XRN2: variants seen among roughly 807,000 people sequenced by gnomAD.
XRN2 encodes the protein 5'-3' exoribonuclease 2, also known as DHM1-like protein.
XRN2 carries 44 observed loss-of-function variants against 138.5 expected under a neutral mutation model. The observed-to-expected ratio is 0.32, with a 90% CI of 0.25 to 0.41. The LOEUF is 0.41. XRN2 is among the 10% of genes least tolerant of loss of function. The probability of loss-of-function intolerance (pLI) is 1.00; values close to 1 mark genes in which losing one functional copy is unlikely to be tolerated. For missense variants in XRN2, 937 were observed against 1,169.3 expected (o/e 0.80, Z 2.90); for synonymous variants, 354 against 369.4 (o/e 0.96, Z 0.48).
chr20:21,321,635 G>C (rs569782925), intron 1 of XRN2, among the ~76,000 whole-genome samples: 20 of 152,156 alleles, frequency 1.3e-4, no homozygotes, highest in Non-Finnish European at 2.5e-4. Context: ...CACTGTTCTT[G>C]AGAACAGCTT....
Position 21,346,464 on chromosome 20 carries a change from G to A in XRN2, c.1579G>A (p.Val527Met). Residue 527 changes from valine to methionine, a missense_variant, in exon 17 of 30, where the codon GTG becomes ATG. Val to Met is a conservative substitution (Grantham distance 21, BLOSUM62 1). Coordinates refer to ENST00000377191, the MANE Select transcript of XRN2 (RefSeq NM_012255.5). ...GCGGTACTACAAGAACAAATTTGATGTGGATGCAGCTGATGAGAAATTCCG... is the reference window on the plus strand; with the variant it reads ...GCGGTACTACAAGAACAAATTTGATATGGATGCAGCTGATGAGAAATTCCG... ...KQRYYKNKFD[V>M]DAADEKFRRK... 1 of 1,614,156 alleles carries A rather than the reference G, an allele frequency of 6.2e-7. No homozygotes were observed. The highest frequency in any genetic ancestry group is 8.5e-7 in the Non-Finnish European group (1 of 1,180,000).
chr20:21,338,466 T>G (rs1174496224), intron 13 of XRN2, among the ~76,000 whole-genome samples: 1 of 152,174 alleles, frequency 6.6e-6, no homozygotes, highest in Admixed American at 6.5e-5. Flanking sequence ...CCTTCCTTTT[T>G]TTCCATCGGA....
At chr20:21,328,791 C>A in intron 4 of XRN2, 121 bp downstream of exon 4, 1 of 842,742 alleles carries the variant, frequency 1.2e-6, no homozygotes, top group Non-Finnish European at 1.9e-6. Flanking sequence ...CCAGAATATC[C>A]AGTGTTCACT....
intron 28 of XRN2, among the ~76,000 whole-genome samples, chr20:21,385,439 C>G (rs1456245877): frequency 6.6e-6 from 1 of 152,172 alleles, no homozygotes; most frequent in Non-Finnish European, 1.5e-5. Context: ...TATATTTGTG[C>G]TAGTAATTGT....
chr20:21,348,096 A>C (rs764482667), intron 17 of XRN2, 50 bp from the exon 18 acceptor site: 15 of 1,522,324 alleles, frequency 9.9e-6, no homozygotes, highest in Middle Eastern at 3.5e-4. Context: ...AATTGTGTTC[A>C]TCATTAACAT....
chr20:21,389,488 A>C lies in XRN2; in HGVS notation c.*150A>C. 3.3e-5 allele frequency: 22 copies of C among 656,932 alleles called. No individual in the cohort carries two copies. The highest frequency in any genetic ancestry group is 4.7e-5 in the South Asian group (2 of 42,484). 40.7% of individuals were successfully genotyped at this position (656,932 alleles called of 1,614,324 possible). A position where few individuals can be genotyped will look rare whatever the true frequency, so the allele number is the denominator to read the frequency against. On this transcript the variant is annotated 3_prime_UTR_variant, in exon 30 of 30. Coordinates refer to ENST00000377191, the MANE Select transcript of XRN2 (RefSeq NM_012255.5). ...TGTATATTTCTACTGATCTGATCTCACTGTTTATGTTGCTTTCCAAAGATG... is the reference window on the plus strand; with the variant it reads ...TGTATATTTCTACTGATCTGATCTCCCTGTTTATGTTGCTTTCCAAAGATG...
chr20:21,353,515 G>C (rs2038538513), intron 20 of XRN2, among the ~76,000 whole-genome samples: 1 of 151,542 alleles, frequency 6.6e-6, no homozygotes. Flanking sequence ...AAAAGATCAG[G>C]TGCAGTGGCT....
At chr20:21,316,989 C>A (rs374238296) in intron 1 of XRN2, among the ~76,000 whole-genome samples, 1 of 152,070 alleles carries the variant, frequency 6.6e-6, no homozygotes, top group Admixed American at 6.6e-5. Context: ...AGTCATATAT[C>A]GTAATAATTT....
intron 9 of XRN2, among the ~76,000 whole-genome samples, chr20:21,332,859 T>A (rs978034882): frequency 1.3e-5 from 2 of 152,212 alleles, no homozygotes; most frequent in African/African-American, 4.8e-5. Flanking sequence ...GTGGAAGTTA[T>A]TTGTTTGAAA....
Position 21,352,815 on chromosome 20 carries a change from T to C in XRN2, c.1937-1974T>C, listed in dbSNP as rs545422833. 1.1e-4 allele frequency among the ~76,000 whole-genome samples: 17 copies of C among 152,212 alleles called. 1 individual carries two copies. The highest frequency in any genetic ancestry group is 3.9e-4 in the African/African-American group (16 of 41,532). On this transcript the variant is annotated intron_variant, in intron 20 of 29. Coordinates refer to ENST00000377191, the MANE Select transcript of XRN2 (RefSeq NM_012255.5). ...GAAAGTCTGATACTAGAGCTCACAT[T>C]TGAAGTGACTGTGTAATACCTAAGT...
chr20:21,382,244 A>G (rs889574244), intron 28 of XRN2, among the ~76,000 whole-genome samples, 187 bp downstream of exon 28: 2 of 152,162 alleles, frequency 1.3e-5, no homozygotes, highest in Non-Finnish European at 2.9e-5. Flanking sequence ...CTCATGTTTA[A>G]TATACTTTCT....
In XRN2 at chr20:21,386,902, C is replaced by T. The variant is rs769237988; in HGVS notation, c.2683C>T (p.Arg895Trp). 5.3e-5 allele frequency: 85 copies of T among 1,613,798 alleles called. No homozygotes were observed. The highest frequency in any genetic ancestry group is 6.4e-5 in the Non-Finnish European group (76 of 1,179,812). ...VGAEPLLPWNRMLQTQNAAFQ... is the reference protein window; with the variant it reads ...VGAEPLLPWNWMLQTQNAAFQ... ...GGCTGAACCTCTGCTCCCATGGAACCGGATGCTGCAAACCCAGAATGCAGC... is the reference window on the plus strand; with the variant it reads ...GGCTGAACCTCTGCTCCCATGGAACTGGATGCTGCAAACCCAGAATGCAGC... The change falls in exon 29 of 30, where the codon CGG becomes TGG. Residue 895 changes from arginine (R) to tryptophan (W), a missense_variant. This residue lies in a region of XRN2 where 372 missense variants were observed against 414.4 expected (regional missense o/e 0.90). Transcript: ENST00000377191.
intron 27 of XRN2, among the ~76,000 whole-genome samples, chr20:21,374,634 G>A (rs376373411): frequency 1.3e-5 from 2 of 152,060 alleles, no homozygotes; most frequent in African/African-American, 4.8e-5. Context: ...AAACCAACAT[G>A]GCATTTCTGG....
intron 1 of XRN2, among the ~76,000 whole-genome samples, chr20:21,325,307 CAAAG>C (rs2038108503): frequency 2.0e-5 from 3 of 152,094 alleles, no homozygotes; most frequent in African/African-American, 7.2e-5. Context: ...AAGAGAAAAA[CAAAG>C]GAAGTAACAT....
At chr20:21,313,321 G>GTCC (rs2037910563) in intron 1 of XRN2, among the ~76,000 whole-genome samples, 1 of 152,200 alleles carries the variant, frequency 6.6e-6, no homozygotes. Flanking sequence ...AAGGCTGCGT[G>GTCC]TCCTCATTTG....
chr20:21,334,251 A>G (rs1424876588), intron 13 of XRN2, 66 bp downstream of exon 13: 1 of 1,286,368 alleles, frequency 7.8e-7, no homozygotes, highest in African/African-American at 1.5e-5. Flanking sequence ...TGATCCTGTG[A>G]TTACTTTTAA....
chr20:21,321,648 TTTTG>T (rs1230287352), intron 1 of XRN2, among the ~76,000 whole-genome samples: 4 of 152,214 alleles, frequency 2.6e-5, no homozygotes, highest in Non-Finnish European at 4.4e-5. Context: ...AACAGCTTTT[TTTTG>T]TTTGTTTTTT....
rs2038969200 is a variant in XRN2, at chr20:21,389,717, T to TA, written c.*380dup. On this transcript the variant is annotated 3_prime_UTR_variant, in exon 30 of 30. Coordinates refer to ENST00000377191, the MANE Select transcript of XRN2 (RefSeq NM_012255.5). ...AACTCGAGCTGGAACCTCAGCAAACTAGAGTATATATTGTTCAGTATTTCT... is the reference window on the plus strand; with the variant it reads ...AACTCGAGCTGGAACCTCAGCAAACTAAGAGTATATATTGTTCAGTATTTCT... 6.3e-6 allele frequency: 1 copy of TA among 158,292 alleles called. No individual in the cohort carries two copies. Among genetic ancestry groups the TA allele is most frequent in the Admixed American group, 6.5e-5 (1 of 15,478 alleles). The allele number at this position is 158,292 out of a possible 1,614,324, so 9.8% of individuals were successfully genotyped here.
chr20:21,333,398 T>A, intron 9 of XRN2, 146 bp from the exon 10 acceptor site: 1 of 827,858 alleles, frequency 1.2e-6, no homozygotes, highest in Non-Finnish European at 1.9e-6. Context: ...ATTTTTATTT[T>A]AAAATGCATT....
Sources: gnomAD v4.1 joint callset for allele counts (sites outside exome capture counted in the v4.1 genomes callset) on GRCh38, gnomAD v4.1.1 for gene constraint, gnomAD v4.1.1 regional missense constraint, MANE v1.5 for transcripts, NCBI Gene and HGNC (gene_info 2026-07-23, HGNC 2026-07-21) for gene names.